The following CIMIP2C variants were observed in gnomAD, a reference collection of about 807,000 sequenced individuals.
CIMIP2C encodes UPF0573 protein C2orf70.
chr2:26,574,203 A>C, the CIMIP2C span, among the ~76,000 whole-genome samples: 1 of 152,206 alleles, frequency 6.6e-6, no homozygotes, highest in Non-Finnish European at 1.5e-5. Context: ...GGCCCGGGTC[A>C]GATCACAGAT....
At chr2:26,569,993 C>T in the CIMIP2C span, among the ~76,000 whole-genome samples, 1 of 152,150 alleles carries the variant, frequency 6.6e-6, no homozygotes, top group Non-Finnish European at 1.5e-5. Flanking sequence ...GGGACACAGA[C>T]CTAGCTTGCC....
the CIMIP2C span, among the ~76,000 whole-genome samples, chr2:26,563,984 A>G: frequency 6.6e-6 from 1 of 152,158 alleles, no homozygotes; most frequent in Admixed American, 6.5e-5. Context: ...AAGCCAGGTG[A>G]CTTAGGATTT....
At chr2:26,565,761 A>G in the CIMIP2C span, among the ~76,000 whole-genome samples, 1 of 152,242 alleles carries the variant, frequency 6.6e-6, no homozygotes, top group Non-Finnish European at 1.5e-5. Flanking sequence ...GCACTTGATC[A>G]TTGTTAGCTG....
At chr2:26,576,425 C>G in the CIMIP2C span, among the ~76,000 whole-genome samples, 1 of 152,222 alleles carries the variant, frequency 6.6e-6, no homozygotes, top group Non-Finnish European at 1.5e-5. Context: ...CCTGCTCACT[C>G]CCACTGCCAG....
At chr2:26,575,842 G>A in the CIMIP2C span, 4 of 1,562,788 alleles carry the variant, frequency 2.6e-6, no homozygotes, top group South Asian at 2.4e-5. Flanking sequence ...GGCCTCTCTT[G>A]GAACAGGCCT....
the CIMIP2C span, among the ~76,000 whole-genome samples, chr2:26,575,169 C>T: frequency 6.6e-6 from 1 of 152,212 alleles, no homozygotes; most frequent in Non-Finnish European, 1.5e-5. Flanking sequence ...GTGGAAGACT[C>T]CTTGTAGGCT....
chr2:26,576,163 G>A, the CIMIP2C span: 521,571 of 1,612,954 alleles, frequency 0.32, 88,584 homozygotes, highest in East Asian at 0.56. Flanking sequence ...CAGAGCTTAC[G>A]AATTTCTACC....
the CIMIP2C span, chr2:26,579,483 G>A: frequency 3.8e-5 from 60 of 1,597,910 alleles, no homozygotes; most frequent in East Asian, 9.0e-5. Context: ...ATCCTGGGTC[G>A]TGACCAGCCT....
chr2:26,562,812 A>C, the CIMIP2C span: 2 of 817,920 alleles, frequency 2.4e-6, no homozygotes, highest in African/African-American at 3.5e-5. Context: ...TTTCCACCCG[A>C]CGGGGCGAGG....
chr2:26,573,718 C>T, the CIMIP2C span, among the ~76,000 whole-genome samples: 33 of 152,330 alleles, frequency 2.2e-4, no homozygotes, highest in African/African-American at 7.2e-4. Flanking sequence ...GAGTCAGGAC[C>T]GCCAGGGTCA....
chr2:26,575,485 G>A, the CIMIP2C span, among the ~76,000 whole-genome samples: 2 of 152,210 alleles, frequency 1.3e-5, no homozygotes, highest in Middle Eastern at 3.2e-3. Flanking sequence ...GGTATCTGGT[G>A]TTCTGGCCCC....
At chr2:26,569,252 A>T in the CIMIP2C span, among the ~76,000 whole-genome samples, 2 of 152,048 alleles carry the variant, frequency 1.3e-5, no homozygotes, top group Non-Finnish European at 2.9e-5. Context: ...GACAAAAAAA[A>T]TGGTGTGGAG....
chr2:26,566,771 G>C, the CIMIP2C span, among the ~76,000 whole-genome samples: 1 of 152,200 alleles, frequency 6.6e-6, no homozygotes, highest in African/African-American at 2.4e-5. Flanking sequence ...CCAGGCTTGA[G>C]TGCAGTGGCA....
At chr2:26,576,122 A>G in the CIMIP2C span, 4 of 1,614,096 alleles carry the variant, frequency 2.5e-6, no homozygotes, top group Middle Eastern at 1.6e-4. Context: ...GCCCAGCTAC[A>G]CTCGCTTCAA....
At chr2:26,564,623 A>G in the CIMIP2C span, among the ~76,000 whole-genome samples, 584 of 152,246 alleles carry the variant, frequency 3.8e-3, no homozygotes, top group African/African-American at 0.014. Context: ...TCCAAATGCT[A>G]CCTCGTTGGC....
chr2:26,565,904 A>T, the CIMIP2C span, among the ~76,000 whole-genome samples: 1 of 152,148 alleles, frequency 6.6e-6, no homozygotes, highest in Non-Finnish European at 1.5e-5. Context: ...GTTCCTGGGG[A>T]CACAGCTCCT....
At chr2:26,567,976 T>C in the CIMIP2C span, among the ~76,000 whole-genome samples, 2 of 152,150 alleles carry the variant, frequency 1.3e-5, no homozygotes, top group Non-Finnish European at 2.9e-5. Flanking sequence ...TTTTCAAGCA[T>C]TTGAAAGAAG....
At chr2:26,572,208 G>C in the CIMIP2C span, 1 of 1,277,672 alleles carries the variant, frequency 7.8e-7, no homozygotes, top group Non-Finnish European at 1.0e-6. Context: ...GCTTAAATTA[G>C]TTTTACTTTG....
the CIMIP2C span, among the ~76,000 whole-genome samples, chr2:26,571,127 T>C: frequency 2.3e-5 from 1 of 44,008 alleles, no homozygotes; most frequent in African/African-American, 6.4e-5. Context: ...TGGTGGAGGC[T>C]GGAGACCCAG....
Sources: allele counts gnomAD v4.1 joint callset (sites outside exome capture counted in the v4.1 genomes callset), GRCh38; gene constraint gnomAD v4.1.1; transcripts MANE v1.5; gene names NCBI Gene and HGNC (gene_info 2026-07-23, HGNC 2026-07-21).